PIEZO2: variants seen among roughly 807,000 people sequenced by gnomAD.
The protein encoded by PIEZO2 is piezo type mechanosensitive ion channel component 2.
PIEZO2 carries 172 observed loss-of-function variants against 337.3 expected under a neutral mutation model. The observed-to-expected ratio is 0.51, with a 90% CI of 0.45 to 0.58. The LOEUF is 0.58. Among genes scored for constraint, PIEZO2 ranks in the 20% least tolerant of loss-of-function variants. The pLI, the probability that PIEZO2 is intolerant of heterozygous loss-of-function variation, is 0.00. For missense variants in PIEZO2, 3,028 were observed against 3,391.3 expected, an observed-to-expected ratio of 0.89 and a Z score of 2.66; for synonymous variants, 1,251 against 1,228.5, an observed-to-expected ratio of 1.02 and a Z score of -0.38.
chr18:11,020,501 A>G (rs1303741748), intron 2 of PIEZO2, among the ~76,000 whole-genome samples: 1 of 152,194 alleles, frequency 6.6e-6, no homozygotes, highest in African/African-American at 2.4e-5. Flanking sequence ...AATACCTGGC[A>G]CTGATGGACT....
chr18:10,955,979 T>A (rs139668320), intron 3 of PIEZO2, among the ~76,000 whole-genome samples: 320 of 152,344 alleles, frequency 2.1e-3, no homozygotes, highest in African/African-American at 7.3e-3. Flanking sequence ...GCTGTGCTTT[T>A]CCTAAATCTT....
chr18:10,748,895 G>A lies in PIEZO2; in HGVS notation c.4265-265C>T, dbSNP rs73389056. On this transcript the variant is annotated intron_variant, in intron 29 of 55. Coordinates refer to ENST00000674853, the MANE Select transcript of PIEZO2 (RefSeq NM_001378183.1). This position sits in a 1 kb window ranked among gnomAD's most constrained non-coding sequence, Gnocchi z 5.1. ...CCTTTTTACGTGGGAGGCCTCTTGA[G>A]TATTTCTCTCTCTTAGGAAGAAAGG... is the stretch of plus-strand genomic sequence containing the variant. Among the ~76,000 whole-genome samples, 2,704 of 152,190 alleles carry A rather than the reference G, an allele frequency of 0.018. 76 individuals carry two copies. Among genetic ancestry groups the A allele is most frequent in the African/African-American group, 0.053 (2,217 of 41,504 alleles).
intron 47 of PIEZO2, among the ~76,000 whole-genome samples, chr18:10,692,454 C>T (rs2034890155): frequency 6.6e-6 from 1 of 151,878 alleles, no homozygotes; most frequent in Admixed American, 6.6e-5. Context: ...GCCTCCCTCC[C>T]TCCCTTTCTT....
Position 10,704,454 on chromosome 18 carries a change from G to A in PIEZO2, c.6198C>T (p.Ala2066=), listed in dbSNP as rs952893008. 1.3e-6 allele frequency: 2 copies of A among 1,537,214 alleles called. No individual in the cohort carries two copies. The highest frequency in any genetic ancestry group is 1.2e-5 in the South Asian group (1 of 84,058). ...GGCTGGGCCTGGGGACGGACAACATGGCCCAGAGGAAGATGAGGATGGGAA... is the reference window on the plus strand; with the variant it reads ...GGCTGGGCCTGGGGACGGACAACATAGCCCAGAGGAAGATGAGGATGGGAA... ...LLLPILIFLW[A]MLSVPRPSRR... is the part of the protein sequence containing the mutation. Residue 2066 remains alanine (A), a synonymous_variant, in exon 42 of 56, where the codon GCC becomes GCT. Transcript: ENST00000674853.
intron 36 of PIEZO2, chr18:10,725,590 C>T: frequency 7.4e-7 from 1 of 1,349,578 alleles, no homozygotes. Context: ...TCGGGGCTTT[C>T]CCTTCCTGAG....
At chr18:11,064,305 T>A (rs1281386625) in intron 2 of PIEZO2, among the ~76,000 whole-genome samples, 3 of 152,220 alleles carry the variant, frequency 2.0e-5, no homozygotes, top group Admixed American at 1.3e-4. Flanking sequence ...TGGTGCTAAA[T>A]GGAGAAAGAG....
At chr18:10,732,152 A>G (rs1269619542) in intron 35 of PIEZO2, among the ~76,000 whole-genome samples, 2 of 152,200 alleles carry the variant, frequency 1.3e-5, no homozygotes, top group Non-Finnish European at 2.9e-5. Flanking sequence ...GAAAATAGTT[A>G]CATTAATATA....
At chr18:10,706,225 G>C (rs994632565) in intron 40 of PIEZO2, among the ~76,000 whole-genome samples, 1 of 152,116 alleles carries the variant, frequency 6.6e-6, no homozygotes, top group Non-Finnish European at 1.5e-5. Flanking sequence ...AGACCATAAG[G>C]GGGGAATGGG....
intron 42 of PIEZO2, among the ~76,000 whole-genome samples, chr18:10,702,838 C>T (rs56382936): frequency 0.23 from 34,537 of 152,068 alleles, 3,976 homozygotes; most frequent in South Asian, 0.28. Context: ...AGAGCCTCAA[C>T]TTAACTTATA....
intron 3 of PIEZO2, among the ~76,000 whole-genome samples, chr18:10,961,435 C>T (rs571591984): frequency 1.7e-4 from 26 of 152,166 alleles, no homozygotes; most frequent in Admixed American, 1.6e-3. Flanking sequence ...AGGCAAGGGA[C>T]AAAAGACTAC....
chr18:11,124,512 G>A (rs746229578), intron 1 of PIEZO2, among the ~76,000 whole-genome samples: 5 of 152,286 alleles, frequency 3.3e-5, no homozygotes, highest in East Asian at 1.9e-4. Context: ...GATACGTGCC[G>A]AATGGTCAGC....
chr18:10,820,580 A>T (rs2040492218), intron 7 of PIEZO2, among the ~76,000 whole-genome samples: 1 of 152,062 alleles, frequency 6.6e-6, no homozygotes, highest in African/African-American at 2.4e-5. Flanking sequence ...ATTTTCTGTA[A>T]TCTTGAAAAT....
At position 11,069,216 on chromosome 18, in the gene PIEZO2, A is replaced by G. The variant is rs1038859689; in HGVS notation, c.65-2994T>C. Reference sequence around the variant, plus strand: ...ACCCTGATACCAAAACCAGACAAGGATAATACAAGGAAAGAAAATTACAGG... The same window carrying G: ...ACCCTGATACCAAAACCAGACAAGGGTAATACAAGGAAAGAAAATTACAGG... On this transcript the variant is annotated intron_variant, in intron 1 of 55. Transcript: ENST00000674853. The surrounding 1 kb of genome is among the most constrained non-coding windows in gnomAD (Gnocchi z 4.9). Among the ~76,000 whole-genome samples, 1 of 152,200 alleles carries G rather than the reference A, an allele frequency of 6.6e-6. No individual in the cohort carries two copies. Among genetic ancestry groups the G allele is most frequent in the Non-Finnish European group, 1.5e-5 (1 of 68,034 alleles).
intron 7 of PIEZO2, among the ~76,000 whole-genome samples, chr18:10,844,447 A>AATAAAATAAAATAAAATAAAATAAG (rs2144625879): frequency 6.6e-6 from 1 of 151,562 alleles, no homozygotes; most frequent in East Asian, 2.0e-4. Context: ...AATAAAATAA[A>AATAAAATAAAATAAAATAAAATAAG]AATAAAGGTG....
chr18:11,052,206 A>T (rs2145855291), intron 2 of PIEZO2, among the ~76,000 whole-genome samples: 2 of 152,342 alleles, frequency 1.3e-5, no homozygotes, highest in Middle Eastern at 6.8e-3. Context: ...GAAATGTGAC[A>T]TAAAATTCAG....
In PIEZO2 at chr18:11,143,589, TAAAAATCTCTA is replaced by T. The variant is rs2040715766; in HGVS notation, c.64+4925_64+4935del. 6.8e-6 allele frequency among the ~76,000 whole-genome samples: 1 copy of T among 146,918 alleles called. No individual in the cohort carries two copies. Among genetic ancestry groups the T allele is most frequent in the African/African-American group, 2.5e-5 (1 of 39,612 alleles). On this transcript the variant is annotated intron_variant, in intron 1 of 55. Transcript: ENST00000674853. The surrounding 1 kb of genome is among the most constrained non-coding windows in gnomAD (Gnocchi z 4.9). ...AACTGGTGAGAAAAATCCTGAGAAC[TAAAAATCTCTA>T]ACACACACACACACACACACACACA...
chr18:10,845,031 A>G (rs2041311690), intron 7 of PIEZO2, among the ~76,000 whole-genome samples: 1 of 152,142 alleles, frequency 6.6e-6, no homozygotes, highest in East Asian at 1.9e-4. Context: ...TTAAATGATG[A>G]ATGTCTAGTT....
chr18:10,999,498 G>C (rs2035457670), intron 2 of PIEZO2, among the ~76,000 whole-genome samples: 1 of 152,126 alleles, frequency 6.6e-6, no homozygotes, highest in East Asian at 1.9e-4. Context: ...GAGATAGTAT[G>C]ACAACCATTT....
At chr18:11,049,028 C>A (rs1568328002) in intron 2 of PIEZO2, among the ~76,000 whole-genome samples, 3 of 152,112 alleles carry the variant, frequency 2.0e-5, no homozygotes, top group Admixed American at 6.5e-5. Flanking sequence ...GGCTTTGAAG[C>A]AAGTCAGCTT....
Sources: allele counts gnomAD v4.1 joint callset (sites outside exome capture counted in the v4.1 genomes callset), GRCh38; gene constraint gnomAD v4.1.1; non-coding constraint Gnocchi (gnomAD v3.1); transcripts MANE v1.5; gene names NCBI Gene and HGNC (gene_info 2026-07-23, HGNC 2026-07-21).